The following CALD1 variants were observed in gnomAD, a reference collection of about 807,000 sequenced individuals.
CALD1 encodes caldesmon 1, also known as caldesmon.
CALD1 carries 33 observed loss-of-function variants against 99.9 expected under a neutral mutation model. The observed-to-expected ratio is 0.33, with a 90% CI of 0.25 to 0.44. The LOEUF (loss-of-function observed/expected upper bound fraction) is 0.44. Among genes scored for constraint, CALD1 ranks in the 20% least tolerant of loss-of-function variants. The probability of loss-of-function intolerance (pLI) is 1.00; values close to 1 mark genes in which losing one functional copy is unlikely to be tolerated. For synonymous variants in CALD1, 310 were observed against 325.0 expected (o/e 0.95, Z 0.50); for missense variants, 861 against 962.1 (o/e 0.89, Z 1.39).
At chr7:134,881,047 CAT>C (rs1422142236) in intron 3 of CALD1, among the ~76,000 whole-genome samples, 1 of 152,196 alleles carries the variant, frequency 6.6e-6, no homozygotes, top group African/African-American at 2.4e-5. Flanking sequence ...AAATCAGAGA[CAT>C]ATGCGCTTCA....
chr7:134,883,547 T>C (rs1224237475), intron 3 of CALD1, among the ~76,000 whole-genome samples: 2 of 152,256 alleles, frequency 1.3e-5, no homozygotes, highest in Non-Finnish European at 2.9e-5. Flanking sequence ...AGGCCCCATT[T>C]GCTTTTCCTG....
At chr7:134,735,344 G>C in the CALD1 span, among the ~76,000 whole-genome samples, 1 of 152,124 alleles carries the variant, frequency 6.6e-6, no homozygotes, top group East Asian at 1.9e-4. Context: ...TGATGGGAAA[G>C]TTCATTGCAT....
chr7:134,818,646 A>G (rs573526759), intron 1 of CALD1, among the ~76,000 whole-genome samples: 74 of 152,132 alleles, frequency 4.9e-4, no homozygotes, highest in South Asian at 8.3e-4. Flanking sequence ...AGGTAATTCG[A>G]TTTTCTTTTT....
the CALD1 span, among the ~76,000 whole-genome samples, chr7:134,721,229 G>C: frequency 1.3e-5 from 2 of 151,724 alleles, no homozygotes; most frequent in African/African-American, 4.8e-5. Flanking sequence ...CCTGGGAATA[G>C]GATATTTTCA....
At chr7:134,952,023 G>A (rs1045456200) in intron 9 of CALD1, among the ~76,000 whole-genome samples, 10 of 152,122 alleles carry the variant, frequency 6.6e-5, no homozygotes, top group Admixed American at 1.3e-4. Context: ...AGGTCTGGCC[G>A]GGCACAGTGG....
chr7:134,960,132 T>C, intron 12 of CALD1, 21 bp downstream of exon 12: 1 of 1,613,724 alleles, frequency 6.2e-7, no homozygotes, highest in Non-Finnish European at 8.5e-7. Context: ...GATTTTTGTC[T>C]CTTAAGTGTA....
At position 134,959,964 on chromosome 7, in the gene CALD1, C is replaced by T. The variant is rs1808127660; in HGVS notation, c.2062-10C>T. On this transcript the variant is annotated splice_polypyrimidine_tract_variant and intron_variant, in intron 11 of 14. Coordinates refer to ENST00000361675, the MANE Select transcript of CALD1 (RefSeq NM_033138.4). ...CAGCACCAATCCTAAAAATAACTCACAAATTTCAGGGAACAAAAAGCGCAA... is the reference window on the plus strand; with the variant it reads ...CAGCACCAATCCTAAAAATAACTCATAAATTTCAGGGAACAAAAAGCGCAA... 9 of 1,612,118 alleles carry T rather than the reference C, an allele frequency of 5.6e-6. No homozygotes were observed. Among genetic ancestry groups the T allele is most frequent in the Non-Finnish European group, 6.8e-6 (8 of 1,179,250 alleles).
At chr7:134,953,668 T>G (rs950946514) in intron 9 of CALD1, among the ~76,000 whole-genome samples, 2 of 114,170 alleles carry the variant, frequency 1.8e-5, no homozygotes, top group Admixed American at 8.4e-5. Flanking sequence ...TTTTTTTTTT[T>G]GTTTTTTTTT....
At chr7:134,825,219 A>G (rs1350699462) in intron 1 of CALD1, among the ~76,000 whole-genome samples, 1 of 152,194 alleles carries the variant, frequency 6.6e-6, no homozygotes, top group African/African-American at 2.4e-5. Flanking sequence ...GGGGTAAGGT[A>G]ATTAACATTT....
chr7:134,739,164 T>C, the CALD1 span, among the ~76,000 whole-genome samples: 3 of 152,146 alleles, frequency 2.0e-5, no homozygotes, highest in Non-Finnish European at 2.9e-5. Flanking sequence ...CTGTTTTCTA[T>C]AGTGGGAAAC....
Position 134,936,252 on chromosome 7 carries a change from T to C in CALD1, c.1386+487T>C, listed in dbSNP as rs572740080. Among the ~76,000 whole-genome samples the C allele has an allele frequency of 4.6e-5, 7 of 152,356 alleles. 1 individual carries two copies. The highest frequency in any genetic ancestry group is 1.7e-4 in the African/African-American group (7 of 41,576). Reference sequence around the variant, plus strand: ...AGAAAATATGGTGAACTGAAGATGATATTTGGTTTTCAAAAGAAAAGTTTG... The same window carrying C: ...AGAAAATATGGTGAACTGAAGATGACATTTGGTTTTCAAAAGAAAAGTTTG... On this transcript the variant is annotated intron_variant, in intron 6 of 14. Coordinates refer to ENST00000361675, the MANE Select transcript of CALD1 (RefSeq NM_033138.4).
the CALD1 span, among the ~76,000 whole-genome samples, chr7:134,733,475 CT>C: frequency 6.6e-6 from 1 of 152,182 alleles, no homozygotes; most frequent in Non-Finnish European, 1.5e-5. Context: ...TTTTGTACGT[CT>C]TTTTATCCCC....
intron 5 of CALD1, among the ~76,000 whole-genome samples, chr7:134,934,803 C>G (rs1245829424): frequency 6.6e-6 from 1 of 152,112 alleles, no homozygotes; most frequent in Non-Finnish European, 1.5e-5. Flanking sequence ...ATCACTTGAA[C>G]CTGGGAGGCA....
chr7:134,967,332 G>A (rs1403711040), intron 14 of CALD1, among the ~76,000 whole-genome samples: 2 of 152,080 alleles, frequency 1.3e-5, no homozygotes, highest in East Asian at 3.9e-4. Context: ...TAGCAGATTA[G>A]GTACCTCTTT....
chr7:134,836,455 C>T (rs1217813683), intron 1 of CALD1, among the ~76,000 whole-genome samples: 1 of 152,162 alleles, frequency 6.6e-6, no homozygotes, highest in Non-Finnish European at 1.5e-5. Context: ...ATAATGATGA[C>T]AGTGGTAGTG....
chr7:134,713,635 C>G, the CALD1 span, among the ~76,000 whole-genome samples: 1 of 151,982 alleles, frequency 6.6e-6, no homozygotes, highest in Non-Finnish European at 1.5e-5. Context: ...ATTCTCCCCC[C>G]TCAAATTGGT....
chr7:134,884,332 C>T (rs1009907092), intron 3 of CALD1, among the ~76,000 whole-genome samples: 4 of 152,126 alleles, frequency 2.6e-5, no homozygotes, highest in Non-Finnish European at 5.9e-5. Context: ...ATGTCTCCCA[C>T]TGGCTTGGGT....
chr7:134,928,451 A>C (rs965125366), intron 3 of CALD1, among the ~76,000 whole-genome samples: 8 of 151,642 alleles, frequency 5.3e-5, no homozygotes, highest in Non-Finnish European at 1.0e-4. Context: ...AAAAAAAAAA[A>C]AAAAACTAAC....
intron 1 of CALD1, among the ~76,000 whole-genome samples, chr7:134,785,951 A>C (rs774394910): frequency 3.9e-5 from 6 of 152,216 alleles, no homozygotes; most frequent in African/African-American, 7.2e-5. Flanking sequence ...CAAGGAGTAC[A>C]TATAACTTTT....
Sources: gnomAD v4.1 joint callset for allele counts (sites outside exome capture counted in the v4.1 genomes callset) on GRCh38, gnomAD v4.1.1 for gene constraint, MANE v1.5 for transcripts, NCBI Gene and HGNC (gene_info 2026-07-23, HGNC 2026-07-21) for gene names.